The following DNAH2 variants were observed in gnomAD, a reference collection of about 807,000 sequenced individuals.
DNAH2 encodes axonemal beta dynein heavy chain 2.
DNAH2 carries 323 observed loss-of-function variants against 523.5 expected under a neutral mutation model. The observed-to-expected ratio is 0.62, with a 90% CI of 0.56 to 0.68. DNAH2 has a LOEUF of 0.68. DNAH2 is among the 30% of genes least tolerant of loss of function. The pLI, the probability that DNAH2 is intolerant of heterozygous loss-of-function variation, is 0.00. For synonymous variants in DNAH2, 2,093 were observed against 2,177.4 expected, an observed-to-expected ratio of 0.96 and a Z score of 1.08; for missense variants, 4,907 against 5,701.5, an observed-to-expected ratio of 0.86 and a Z score of 4.49.
At chr17:7,744,584 G>A (rs573310730) in intron 12 of DNAH2, among the ~76,000 whole-genome samples, 1 of 152,316 alleles carries the variant, frequency 6.6e-6, no homozygotes, top group South Asian at 2.1e-4. Flanking sequence ...AAGCCGTTGA[G>A]GAGCAGAGTG....
intron 44 of DNAH2, among the ~76,000 whole-genome samples, chr17:7,788,684 A>G (rs2076813517): frequency 6.6e-6 from 1 of 152,206 alleles, no homozygotes; most frequent in South Asian, 2.1e-4. Context: ...ATATTTAAGA[A>G]AAACTGTGCT....
intron 77 of DNAH2, among the ~76,000 whole-genome samples, chr17:7,826,885 C>T (rs1176849088): frequency 6.6e-6 from 1 of 152,010 alleles, no homozygotes; most frequent in Admixed American, 6.6e-5. Flanking sequence ...TCTTTGAAGT[C>T]CCAGTGTGCC....
In DNAH2 at chr17:7,791,963, C is replaced by T. The variant is rs1597671858; in HGVS notation, c.6947C>T (p.Thr2316Ile). 6.2e-7 allele frequency: 1 copy of T among 1,614,016 alleles called. No homozygotes were observed. Reference sequence around the variant, plus strand: ...AACTATGTCACCATGGTAGAGATGACATTTGTGTTCAGCATGATCTGGTCT... The same window carrying T: ...AACTATGTCACCATGGTAGAGATGATATTTGTGTTCAGCATGATCTGGTCT... Reference protein sequence around the residue: ...GENYVTMVEMTFVFSMIWSVC... With the variant: ...GENYVTMVEMIFVFSMIWSVC... Residue 2316 changes from threonine (T) to isoleucine (I), a missense_variant, in exon 45 of 86, where the codon ACA becomes ATA. Coordinates refer to ENST00000572933, the MANE Select transcript of DNAH2 (RefSeq NM_020877.5).
At chr17:7,801,743 C>T in intron 57 of DNAH2, 33 bp downstream of exon 57, 2 of 1,612,524 alleles carry the variant, frequency 1.2e-6, no homozygotes, top group Middle Eastern at 1.7e-4. Flanking sequence ...TCATTGCATC[C>T]CTGGCCTCCC....
rs906178747 is a variant in DNAH2, at chr17:7,753,891, T to C, written c.1905-3200T>C. On this transcript the variant is annotated intron_variant, in intron 12 of 85. Coordinates refer to ENST00000572933, the MANE Select transcript of DNAH2 (RefSeq NM_020877.5). Reference sequence around the variant, plus strand: ...TAAACCGGGGAGGCAGAGGTTGCAGTGAGCCGAGATCGCACCACTGCACTC... The same window carrying C: ...TAAACCGGGGAGGCAGAGGTTGCAGCGAGCCGAGATCGCACCACTGCACTC... 1.3e-4 allele frequency among the ~76,000 whole-genome samples: 20 copies of C among 152,112 alleles called. No individual in the cohort carries two copies. The East Asian group carries it at 3.9e-3, about 29-fold the overall frequency.
chr17:7,798,160 C>T lies in DNAH2; in HGVS notation c.8234C>T (p.Thr2745Ile), dbSNP rs2077119097. 6.3e-7 allele frequency: 1 copy of T among 1,590,098 alleles called. No individual in the cohort carries two copies. Among genetic ancestry groups the T allele is most frequent in the Non-Finnish European group, 8.6e-7 (1 of 1,162,066 alleles). Residue 2745 changes from threonine (T) to isoleucine (I), a missense_variant, in exon 54 of 86, where the codon ACA (threonine) becomes ATA (isoleucine). This residue lies in a region of DNAH2 where 250 missense variants were observed against 371.3 expected (regional missense o/e 0.67). Coordinates refer to ENST00000572933, the MANE Select transcript of DNAH2 (RefSeq NM_020877.5). This position sits in a 1 kb window ranked among gnomAD's most constrained non-coding sequence, Gnocchi z 5.5. ...VLFREAIEHITRIVRVIGQPR... is the reference protein window; with the variant it reads ...VLFREAIEHIIRIVRVIGQPR... ...CTCACACCCACCCCACCCCCAGTCA[C>T]ACGGATCGTGCGGGTCATTGGACAG...
At position 7,778,397 on chromosome 17, in the gene DNAH2, T is replaced by C; in HGVS notation, c.5469T>C (p.Tyr1823=). The C allele has an allele frequency of 6.2e-7, 1 of 1,614,198 alleles. No homozygotes were observed. The highest frequency in any genetic ancestry group is 8.5e-7 in the Non-Finnish European group (1 of 1,180,030). ...ACCTGGGCAAGGCCCTGGGCATATA[T>C]GTCATTGTGGTCAACTGCTCTGAGG... The part of the protein sequence containing the change: ...VKDLGKALGI[Y]VIVVNCSEGL... The change falls in exon 35 of 86, where the codon TAT becomes TAC. Residue 1823 remains tyrosine (Y), a synonymous_variant. Coordinates refer to ENST00000572933, the MANE Select transcript of DNAH2 (RefSeq NM_020877.5).
At chr17:7,730,682 G>A (rs1368221475) in intron 4 of DNAH2, among the ~76,000 whole-genome samples, 1 of 152,104 alleles carries the variant, frequency 6.6e-6, no homozygotes, top group African/African-American at 2.4e-5. Context: ...AAACTGGCCT[G>A]GACTATTAGA....
In DNAH2 at chr17:7,777,580, C is replaced by T; in HGVS notation, c.5193C>T (p.Leu1731=). 6.2e-7 allele frequency: 1 copy of T among 1,614,188 alleles called. No homozygotes were observed. Among genetic ancestry groups the T allele is most frequent in the Non-Finnish European group, 8.5e-7 (1 of 1,180,034 alleles). The change falls in exon 33 of 86, where the codon CTC becomes CTT. Residue 1731 remains leucine (L), a synonymous_variant. Transcript: ENST00000572933. ...DVLEKLYKSG[L]MDVNSFDWLS... ...TGGAGAAGCTTTACAAGAGTGGCCT[C>T]ATGGATGTCAATTCCTTTGACTGGC...
chr17:7,833,499 G>C lies in DNAH2; in HGVS notation c.13250G>C (p.Arg4417Thr). The change falls in exon 86 of 86, where the codon AGG becomes ACG. Residue 4417 changes from arginine to threonine, a missense_variant. Arg to Thr is a moderately conservative substitution (Grantham distance 71, BLOSUM62 -1). This residue lies in a region of DNAH2 where 1,851 missense variants were observed against 2,139.4 expected (regional missense o/e 0.87). Transcript: ENST00000572933. Reference sequence around the variant, plus strand: ...ATGACACCTGATCATTGGATCAAGAGGGGCACTGCTCTACTCATGAGCCTG... The same window carrying C: ...ATGACACCTGATCATTGGATCAAGACGGGCACTGCTCTACTCATGAGCCTG... The part of the protein sequence containing the change: ...GAMTPDHWIK[R>T]GTALLMSLDS 1 of 1,614,070 alleles carries C rather than the reference G, an allele frequency of 6.2e-7. No individual in the cohort carries two copies.
At chr17:7,744,498 C>T (rs564646582) in intron 12 of DNAH2, among the ~76,000 whole-genome samples, 123 of 151,830 alleles carry the variant, frequency 8.1e-4, no homozygotes, top group Admixed American at 1.8e-3. Context: ...AGAAGCAGAG[C>T]GGAGTGTCAG....
chr17:7,778,761 G>C (rs2076526886), intron 35 of DNAH2, among the ~76,000 whole-genome samples: 1 of 151,918 alleles, frequency 6.6e-6, no homozygotes, highest in South Asian at 2.1e-4. Context: ...TGGAGACGGG[G>C]TTTCACCATC....
rs778485001 is a variant in DNAH2, at chr17:7,817,368, C to A, written c.9973C>A (p.Leu3325Met). The change falls in exon 65 of 86, where the codon CTG becomes ATG. Residue 3325 changes from leucine to methionine, a missense_variant. Coordinates refer to ENST00000572933, the MANE Select transcript of DNAH2 (RefSeq NM_020877.5). The part of the protein sequence containing the change: ...AAFLSYMGPF[L>M]TNYRDEIVNQ... ...CTTCCTGTCCTACATGGGACCCTTC[C>A]TGACCAACTACCGGGATGAGATTGT... 6.2e-7 allele frequency: 1 copy of A among 1,613,600 alleles called. No homozygotes were observed. The highest frequency in any genetic ancestry group is 8.5e-7 in the Non-Finnish European group (1 of 1,179,914).
intron 24 of DNAH2, among the ~76,000 whole-genome samples, chr17:7,769,865 A>G (rs768906065): frequency 6.6e-6 from 1 of 152,230 alleles, no homozygotes; most frequent in Non-Finnish European, 1.5e-5. Context: ...TTATTTGCTT[A>G]CATTATTTAA....
At chr17:7,804,812 C>T in intron 59 of DNAH2, 146 bp from the exon 60 acceptor site, 1 of 694,276 alleles carries the variant, frequency 1.4e-6, no homozygotes, top group Non-Finnish European at 2.4e-6. Flanking sequence ...CACCACTGCA[C>T]TCCAGCCTGG....
At chr17:7,787,668 G>A (rs901560929) in intron 42 of DNAH2, 192 bp from the exon 43 acceptor site, 19 of 606,142 alleles carry the variant, frequency 3.1e-5, no homozygotes, top group African/African-American at 2.1e-4. Context: ...CCTGAGAGGC[G>A]GAGGTTGCAG....
chr17:7,783,827 C>G (rs756094222), intron 39 of DNAH2, among the ~76,000 whole-genome samples: 1 of 151,026 alleles, frequency 6.6e-6, no homozygotes, highest in Non-Finnish European at 1.5e-5. Context: ...AAAACAGAAC[C>G]TAAGCAAACA....
intron 12 of DNAH2, among the ~76,000 whole-genome samples, chr17:7,744,791 G>C (rs747472198): frequency 6.6e-6 from 1 of 152,188 alleles, no homozygotes; most frequent in South Asian, 2.1e-4. Context: ...ATTTGCAAGC[G>C]CATAATGGGG....
At position 7,739,910 on chromosome 17, in the gene DNAH2, A is replaced by G; in HGVS notation, c.1348A>G (p.Asn450Asp). The change falls in exon 9 of 86, where the codon AAC becomes GAC. Residue 450 changes from asparagine to aspartate, a missense_variant. By Grantham distance (23) the Asn-to-Asp change is conservative. Coordinates refer to ENST00000572933, the MANE Select transcript of DNAH2 (RefSeq NM_020877.5). ...AVRGGILDVK[N>D]TCWHEDYNKF... ...TCGCGGGGGTATCCTGGATGTCAAGAACACCTGTTGGCATGAAGACTACAA... is the reference window on the plus strand; with the variant it reads ...TCGCGGGGGTATCCTGGATGTCAAGGACACCTGTTGGCATGAAGACTACAA... 1 of 1,613,918 alleles carries G rather than the reference A, an allele frequency of 6.2e-7. No individual in the cohort carries two copies. Among genetic ancestry groups the G allele is most frequent in the Non-Finnish European group, 8.5e-7 (1 of 1,179,920 alleles).
Sources: gnomAD v4.1 joint callset for allele counts (sites outside exome capture counted in the v4.1 genomes callset) on GRCh38, gnomAD v4.1.1 for gene constraint, gnomAD v4.1.1 regional missense constraint, Gnocchi (gnomAD v3.1) non-coding constraint, MANE v1.5 for transcripts, NCBI Gene and HGNC (gene_info 2026-07-23, HGNC 2026-07-21) for gene names.